CCDC7: variants seen among roughly 807,000 people sequenced by gnomAD.
CCDC7 encodes coiled-coil domain-containing protein 7.
A neutral mutation model predicts 196.9 loss-of-function variants in CCDC7; 183 were observed. The observed-to-expected ratio is 0.93, with a 90% CI of 0.82 to 1.05. The LOEUF is 1.05. Among genes scored for constraint, CCDC7 ranks in the 50% least tolerant of loss-of-function variants. The pLI is 0.00. For missense variants in CCDC7, 1,540 were observed against 1,482.2 expected (o/e 1.04, Z -0.64); for synonymous variants, 525 against 484.6 (o/e 1.08, Z -1.10).
chr10:32,678,829 CT>C (rs1253074989), intron 21 of CCDC7, among the ~76,000 whole-genome samples: 2 of 152,080 alleles, frequency 1.3e-5, no homozygotes, highest in Non-Finnish European at 2.9e-5. Flanking sequence ...GCACTTTTGC[CT>C]TGTTTCTGTG....
intron 11 of CCDC7, among the ~76,000 whole-genome samples, chr10:32,535,433 A>G (rs765861013): frequency 2.0e-4 from 31 of 152,158 alleles, no homozygotes; most frequent in African/African-American, 6.5e-4. Flanking sequence ...TAAGACATCA[A>G]TCAATACATG....
chr10:32,687,788 C>G (rs973746886), intron 22 of CCDC7, among the ~76,000 whole-genome samples: 1 of 152,112 alleles, frequency 6.6e-6, no homozygotes, highest in African/African-American at 2.4e-5. Context: ...AGACCATGTT[C>G]TCTGATTCAT....
At chr10:32,648,287 C>T (rs886559535) in intron 20 of CCDC7, among the ~76,000 whole-genome samples, 3 of 151,796 alleles carry the variant, frequency 2.0e-5, no homozygotes, top group Non-Finnish European at 4.4e-5. Flanking sequence ...TTTCTTTTTG[C>T]TTAGTATTGC....
chr10:32,474,786 G>A (rs891472127), intron 8 of CCDC7, among the ~76,000 whole-genome samples: 1 of 152,196 alleles, frequency 6.6e-6, no homozygotes, highest in Non-Finnish European at 1.5e-5. Flanking sequence ...CAATAGAAAG[G>A]AAATTAACTT....
At chr10:32,725,389 T>C (rs2082972072) in intron 25 of CCDC7, 1 of 470,874 alleles carries the variant, frequency 2.1e-6, no homozygotes, top group Non-Finnish European at 4.4e-6. Context: ...GAGGGTATGT[T>C]TCAAATACTG....
upstream of CCDC7, among the ~76,000 whole-genome samples, chr10:32,443,528 T>C (rs1592664411): frequency 6.6e-6 from 1 of 152,226 alleles, no homozygotes; most frequent in East Asian, 1.9e-4. Flanking sequence ...ATAATTTTTT[T>C]TCTCTCAATG....
At chr10:32,560,269 C>T (rs1423999904) in intron 13 of CCDC7, among the ~76,000 whole-genome samples, 1 of 152,212 alleles carries the variant, frequency 6.6e-6, no homozygotes, top group Non-Finnish European at 1.5e-5. Flanking sequence ...TCCAGGAGAA[C>T]TTCCCCAATC....
At chr10:32,742,570 T>G (rs2086048381) in intron 28 of CCDC7, among the ~76,000 whole-genome samples, 1 of 152,218 alleles carries the variant, frequency 6.6e-6, no homozygotes, top group Non-Finnish European at 1.5e-5. Flanking sequence ...TTTCAGAATG[T>G]CTAACAGTTG....
At chr10:32,661,357 C>T (rs1197669624) in intron 20 of CCDC7, among the ~76,000 whole-genome samples, 1 of 151,560 alleles carries the variant, frequency 6.6e-6, no homozygotes, top group Non-Finnish European at 1.5e-5. Flanking sequence ...AATAGGAACA[C>T]TTTTACACTG....
At chr10:32,754,976 C>T (rs2484729) in intron 28 of CCDC7, among the ~76,000 whole-genome samples, 58,462 of 152,100 alleles carry the variant, frequency 0.38, 13,886 homozygotes, top group Non-Finnish European at 0.54. Context: ...TTATATCCCG[C>T]GCTGGCTTGG....
At chr10:32,547,697 G>T (rs1314219797) in intron 13 of CCDC7, among the ~76,000 whole-genome samples, 1 of 152,122 alleles carries the variant, frequency 6.6e-6, no homozygotes, top group Non-Finnish European at 1.5e-5. Flanking sequence ...TCACATCAGG[G>T]TAAATGAGTA....
chr10:32,461,951 T>C (rs867162066), intron 3 of CCDC7, among the ~76,000 whole-genome samples: 3 of 151,550 alleles, frequency 2.0e-5, no homozygotes, highest in African/African-American at 7.3e-5. Context: ...TTTGTATTTT[T>C]AGTAGAGACG....
Position 32,662,057 on chromosome 10 carries a change from A to G in CCDC7, c.2015-1997A>G, listed in dbSNP as rs78695364. ...CAAGTTCCAACAGCAGGGATATGCA[A>G]TTCCCTTTTGGCCTCTCTCCATAGG... is the stretch of plus-strand genomic sequence containing the variant. On this transcript the variant is annotated intron_variant, in intron 20 of 41. Coordinates refer to ENST00000639629, the Ensembl canonical transcript of CCDC7. Among the ~76,000 whole-genome samples, 995 of 152,162 alleles carry G rather than the reference A, an allele frequency of 6.5e-3. 8 individuals are homozygous for G. Among genetic ancestry groups the G allele is most frequent in the African/African-American group, 0.023 (948 of 41,512 alleles).
chr10:32,794,990 A>G (rs1166037691), intron 29 of CCDC7, among the ~76,000 whole-genome samples: 2 of 152,118 alleles, frequency 1.3e-5, no homozygotes, highest in Non-Finnish European at 2.9e-5. Flanking sequence ...AACCCCATGT[A>G]GGGTTCCCAG....
chr10:32,548,438 A>G (rs1043144372), intron 13 of CCDC7, among the ~76,000 whole-genome samples: 1 of 151,928 alleles, frequency 6.6e-6, no homozygotes, highest in African/African-American at 2.4e-5. Context: ...AGGGAAACAT[A>G]TGTGAACTAC....
At chr10:32,689,067 C>T in exon 23 of CCDC7, 1 of 1,593,652 alleles carries the variant, frequency 6.3e-7, no homozygotes, top group Non-Finnish European at 8.6e-7. Flanking sequence ...TGATAAAGAA[C>T]CAAATGAAAA....
At chr10:32,680,854 T>G (rs2075760966) in intron 21 of CCDC7, among the ~76,000 whole-genome samples, 2 of 152,178 alleles carry the variant, frequency 1.3e-5, no homozygotes, top group Non-Finnish European at 2.9e-5. Context: ...CTACTCCATA[T>G]TTTTGTTCAC....
At chr10:32,476,280 T>G (rs2038953971) in intron 8 of CCDC7, among the ~76,000 whole-genome samples, 1 of 152,232 alleles carries the variant, frequency 6.6e-6, no homozygotes, top group African/African-American at 2.4e-5. Flanking sequence ...CTGTAGTATT[T>G]CCTTTTCAAG....
chr10:32,631,051 G>A (rs80139300), intron 18 of CCDC7, among the ~76,000 whole-genome samples: 2,407 of 152,318 alleles, frequency 0.016, 29 homozygotes, highest in Non-Finnish European at 0.026. Context: ...GGCAAAGGAA[G>A]GCCATATGTA....
Sources: gnomAD v4.1 joint callset for allele counts (sites outside exome capture counted in the v4.1 genomes callset) on GRCh38, gnomAD v4.1.1 for gene constraint, MANE v1.5 for transcripts, NCBI Gene and HGNC (gene_info 2026-07-23, HGNC 2026-07-21) for gene names.